Variants in KIF4A observed in about 807,000 individuals in gnomAD.
The protein encoded by KIF4A is chromosome-associated kinesin KIF4A.
A neutral mutation model predicts 105.9 loss-of-function variants in KIF4A; 7 were observed. The observed-to-expected ratio is 0.07, with a 90% CI of 0.04 to 0.12. The LOEUF (loss-of-function observed/expected upper bound fraction) is 0.12, where lower values mean the gene tolerates loss of function less well. KIF4A is among the 10% of genes least tolerant of loss of function. KIF4A has a pLI of 1.00. For missense variants in KIF4A, 558 were observed against 929.2 expected (o/e 0.60, Z 5.19); for synonymous variants, 281 against 331.3 (o/e 0.85, Z 1.65).
chrX:70,382,714 A>G (rs1479590529), intron 18 of KIF4A, among the ~76,000 whole-genome samples: 1 of 109,556 alleles, frequency 9.1e-6, no homozygotes, highest in African/African-American at 3.3e-5. Flanking sequence ...ACACTTTGGG[A>G]GGCCAAGGTG....
At chrX:70,290,174 G>C (rs2085751965) in intron 1 of KIF4A, 24 bp downstream of exon 1, 1 of 271,574 alleles carries the variant, frequency 3.7e-6, no homozygotes, top group African/African-American at 2.7e-5. Flanking sequence ...GCACACCTTA[G>C]CTCAGAACCT....
At chrX:70,329,651 A>G (rs2085923096) in intron 8 of KIF4A, 130 bp downstream of exon 8, 3 of 491,591 alleles carry the variant, frequency 6.1e-6, no homozygotes. Context: ...GATAAATACG[A>G]GAGAGTGCTG....
At chrX:70,370,548 G>A (rs1289221972) in intron 15 of KIF4A, among the ~76,000 whole-genome samples, 1 of 108,267 alleles carries the variant, frequency 9.2e-6, no homozygotes, top group African/African-American at 3.3e-5. Flanking sequence ...TATTCTGTAT[G>A]TATAGAATAT....
intron 10 of KIF4A, among the ~76,000 whole-genome samples, chrX:70,339,029 G>A (rs1281031920): frequency 9.7e-6 from 1 of 103,321 alleles, no homozygotes; most frequent in Non-Finnish European, 2.0e-5. Flanking sequence ...AGCTTGCAGC[G>A]AGCCAAGACC....
At chrX:70,358,618 G>C (rs975543785) in intron 15 of KIF4A, among the ~76,000 whole-genome samples, 2 of 111,414 alleles carry the variant, frequency 1.8e-5, no homozygotes, top group African/African-American at 6.5e-5. Flanking sequence ...TCTTCTCCCT[G>C]CCTTGCCTTT....
intron 17 of KIF4A, 27 bp downstream of exon 17, chrX:70,375,375 C>A: frequency 8.4e-7 from 1 of 1,192,077 alleles, no homozygotes; most frequent in Non-Finnish European, 1.1e-6. Flanking sequence ...CTTGCATTTA[C>A]CCCCATTGGA....
At chrX:70,346,239 A>G (rs912400845) in intron 13 of KIF4A, among the ~76,000 whole-genome samples, 7 of 112,153 alleles carry the variant, frequency 6.2e-5, no homozygotes, top group African/African-American at 2.3e-4. Flanking sequence ...CGGCTATCAC[A>G]AGGTTAAATT....
chrX:70,298,826 G>A (rs182505183), intron 4 of KIF4A, among the ~76,000 whole-genome samples: 10 of 112,238 alleles, frequency 8.9e-5, no homozygotes, highest in East Asian at 2.8e-4. Context: ...CTGAATTTGC[G>A]TGGTCATGTA....
intron 15 of KIF4A, among the ~76,000 whole-genome samples, chrX:70,373,524 G>GATA (rs1569245362): frequency 0.014 from 80 of 5,891 alleles, 22 homozygotes; most frequent in South Asian, 0.019. Context: ...GTGTGTGTAT[G>GATA]TATATATATA....
chrX:70,348,821 C>T (rs2086005030), intron 13 of KIF4A, among the ~76,000 whole-genome samples: 1 of 112,203 alleles, frequency 8.9e-6, no homozygotes, highest in Non-Finnish European at 1.9e-5. Flanking sequence ...TTCTTTTCGA[C>T]AAAACTGCCA....
At chrX:70,293,203 C>T (rs1341238951) in intron 3 of KIF4A, among the ~76,000 whole-genome samples, 1 of 112,430 alleles carries the variant, frequency 8.9e-6, no homozygotes, top group Admixed American at 9.4e-5. Flanking sequence ...TTCAAAACTT[C>T]AAAGTTTTCA....
chrX:70,384,692 A>G (rs1414961268), intron 18 of KIF4A, among the ~76,000 whole-genome samples: 1 of 111,266 alleles, frequency 9.0e-6, no homozygotes, highest in Non-Finnish European at 1.9e-5. Flanking sequence ...CCACTGCACT[A>G]CAGCCTGGGC....
At chrX:70,390,561 T>C (rs1294510665) in intron 20 of KIF4A, among the ~76,000 whole-genome samples, 1 of 111,808 alleles carries the variant, frequency 8.9e-6, no homozygotes, top group Non-Finnish European at 1.9e-5. Flanking sequence ...TGACTGTTGG[T>C]TGATTGGTCA....
intron 15 of KIF4A, among the ~76,000 whole-genome samples, chrX:70,364,360 T>G (rs1251344445): frequency 7.3e-5 from 8 of 110,292 alleles, no homozygotes; most frequent in Non-Finnish European, 1.3e-4. Flanking sequence ...CTTCTAGGGT[T>G]TTTATGGTTT....
At chrX:70,384,472 G>A (rs771242733) in intron 18 of KIF4A, among the ~76,000 whole-genome samples, 1 of 110,720 alleles carries the variant, frequency 9.0e-6, no homozygotes, top group African/African-American at 3.3e-5. Context: ...GCAATTAAGA[G>A]TTGTCTTTGT....
rs1377454975 is a variant in KIF4A, at chrX:70,329,536, C to T, written c.895+15C>T. The T allele has an allele frequency of 8.7e-7, 1 of 1,153,201 alleles. No homozygotes were observed. ...ACTGCTTCAAGGTAAGCCCAAAGTG[C>T]CTCCAAAAATAAGAGAGTAACTCAA... On this transcript the variant is annotated intron_variant, in intron 8 of 30. Transcript: ENST00000374403.
At chrX:70,311,766 G>A (rs1313169440) in intron 7 of KIF4A, among the ~76,000 whole-genome samples, 2 of 109,826 alleles carry the variant, frequency 1.8e-5, no homozygotes, top group African/African-American at 6.6e-5. Context: ...TTTGACAGCA[G>A]CCTGAGCAAC....
chrX:70,365,953 C>A (rs999453484), intron 15 of KIF4A, among the ~76,000 whole-genome samples: 1 of 111,455 alleles, frequency 9.0e-6, no homozygotes, highest in African/African-American at 3.3e-5. Flanking sequence ...GATTCAACTT[C>A]TTCCTGGTTT....
At chrX:70,322,641 C>T (rs1200220892) in intron 7 of KIF4A, among the ~76,000 whole-genome samples, 1 of 108,331 alleles carries the variant, frequency 9.2e-6, no homozygotes, top group Non-Finnish European at 1.9e-5. Context: ...CCCTCCATCA[C>T]CGGCAGTGAA....
Sources: allele counts gnomAD v4.1 joint callset (sites outside exome capture counted in the v4.1 genomes callset), GRCh38; gene constraint gnomAD v4.1.1; transcripts MANE v1.5; gene names NCBI Gene and HGNC (gene_info 2026-07-23, HGNC 2026-07-21).